The following CFAP251 variants were observed in gnomAD, a reference collection of about 807,000 sequenced individuals.
CFAP251 encodes the protein cilia- and flagella-associated protein 251.
Under a neutral mutation model 126.7 loss-of-function variants are expected in CFAP251, and 93 were observed. The observed-to-expected ratio is 0.73, with a 90% CI of 0.62 to 0.87. The LOEUF (loss-of-function observed/expected upper bound fraction) is 0.87. Among genes scored for constraint, CFAP251 ranks in the 40% least tolerant of loss-of-function variants. The pLI, the probability that CFAP251 is intolerant of heterozygous loss-of-function variation, is 0.00. For missense variants in CFAP251, 1,287 were observed against 1,389.2 expected (o/e 0.93, Z 1.17); for synonymous variants, 503 against 506.9 (o/e 0.99, Z 0.10).
In CFAP251 at chr12:121,934,389, G is replaced by C. The variant is rs146522464; in HGVS notation, c.998+33G>C. ...TTGTGTAGCCACTTCTTTTTTCCCT[G>C]AATTTCTGTAGAGTATCTGCCACTG... On this transcript the variant is annotated intron_variant, in intron 5 of 21. Coordinates refer to ENST00000288912, the MANE Select transcript of CFAP251 (RefSeq NM_144668.6). 88 of 1,527,960 alleles carry C rather than the reference G, an allele frequency of 5.8e-5. 1 individual carries two copies. In the Admixed American group the frequency reaches 1.5e-3, roughly 26 times the overall value. The allele number at this position is 1,527,960 out of a possible 1,614,324, so 94.7% of individuals were successfully genotyped here. A position where few individuals can be genotyped will look rare whatever the true frequency, so the allele number is the denominator to read the frequency against.
intron 15 of CFAP251, among the ~76,000 whole-genome samples, chr12:121,963,078 T>C (rs753596421): frequency 2.4e-4 from 36 of 152,126 alleles, no homozygotes; most frequent in Non-Finnish European, 4.6e-4. Context: ...TTCTGATTGA[T>C]GCTTTAGAAT....
Position 121,967,030 on chromosome 12 carries a change from G to A in CFAP251, c.2568G>A (p.Glu856=), listed in dbSNP as rs1271630971. The change falls in exon 16 of 22, where the codon GAG becomes GAA. Residue 856 remains glutamate (E), a synonymous_variant. Transcript: ENST00000288912. The part of the protein sequence containing the change: ...TQVLPVRSMA[E]LQKRYLVFIN... ...TCCTCCCAGTGAGAAGCATGGCGGA[G>A]CTACAGAAACGCTACTTGGTGTTTA... 59 of 1,614,230 alleles carry A rather than the reference G, an allele frequency of 3.7e-5. No homozygotes were observed. Among genetic ancestry groups the A allele is most frequent in the Middle Eastern group, 1.6e-4 (1 of 6,062 alleles).
At chr12:121,928,658 G>GTGTATA (rs1880534186) in intron 3 of CFAP251, among the ~76,000 whole-genome samples, 1 of 26,720 alleles carries the variant, frequency 3.7e-5, no homozygotes, top group African/African-American at 5.8e-5. Context: ...ATATATATAC[G>GTGTATA]TATATATATA....
At chr12:121,943,616 G>T (rs910306502) in intron 7 of CFAP251, among the ~76,000 whole-genome samples, 1 of 151,918 alleles carries the variant, frequency 6.6e-6, no homozygotes, top group Non-Finnish European at 1.5e-5. Flanking sequence ...GTAGAGACGG[G>T]TTTTCTCCAT....
At chr12:121,921,187 CAG>C in intron 1 of CFAP251, 97 bp from the exon 2 acceptor site, 7 of 1,315,988 alleles carry the variant, frequency 5.3e-6, no homozygotes, top group South Asian at 1.6e-5. Flanking sequence ...GGAAAGGGAA[CAG>C]AGCCATTTAT....
At chr12:122,001,632 G>A (rs1565927980) in intron 21 of CFAP251, 34 bp downstream of exon 21, 1 of 1,540,302 alleles carries the variant, frequency 6.5e-7, no homozygotes, top group East Asian at 2.2e-5. Flanking sequence ...GCATGTAGCT[G>A]TGGCTCACTG....
At chr12:121,967,875 C>A in intron 16 of CFAP251, 131 bp from the exon 17 acceptor site, 1 of 838,258 alleles carries the variant, frequency 1.2e-6, no homozygotes, top group Non-Finnish European at 1.8e-6. Flanking sequence ...ATGTGGCTCT[C>A]ACACTCAGAG....
chr12:121,928,618 GTATATGTGTATA>G, intron 3 of CFAP251, among the ~76,000 whole-genome samples: 1 of 71,904 alleles, frequency 1.4e-5, no homozygotes. Context: ...ATAATTTTAT[GTATATGTGTATA>G]TATATACGTA....
At chr12:121,947,416 G>C (rs963221593) in intron 7 of CFAP251, among the ~76,000 whole-genome samples, 3 of 152,002 alleles carry the variant, frequency 2.0e-5, no homozygotes, top group African/African-American at 4.8e-5. Flanking sequence ...TCTGCTGATT[G>C]CTTTTTCCCC....
intron 3 of CFAP251, 71 bp from the exon 4 acceptor site, chr12:121,931,675 C>T (rs1397333608): frequency 6.6e-6 from 9 of 1,370,888 alleles, no homozygotes; most frequent in Middle Eastern, 4.1e-4. Flanking sequence ...TCCCCTCCGG[C>T]GAGTTCCTGG....
intron 17 of CFAP251, chr12:121,969,363 G>A (rs992018434): frequency 1.0e-6 from 1 of 985,412 alleles, no homozygotes; most frequent in Non-Finnish European, 1.2e-6. Flanking sequence ...AGCTGGAGGT[G>A]AACTCTCCTA....
At chr12:121,973,022 C>T (rs1445542954) in intron 17 of CFAP251, among the ~76,000 whole-genome samples, 2 of 152,186 alleles carry the variant, frequency 1.3e-5, no homozygotes, top group African/African-American at 4.8e-5. Context: ...AAAATGTCTC[C>T]AGGGCATGTC....
At chr12:121,985,044 T>G (rs972257705) in intron 19 of CFAP251, among the ~76,000 whole-genome samples, 5 of 152,210 alleles carry the variant, frequency 3.3e-5, no homozygotes, top group African/African-American at 1.2e-4. Context: ...GAAGACACAA[T>G]CCCTGACATT....
At chr12:121,992,114 G>T (rs1202292874) in intron 19 of CFAP251, 1 of 714,056 alleles carries the variant, frequency 1.4e-6, no homozygotes, top group Non-Finnish European at 1.7e-6. Flanking sequence ...AGGCCAGGCT[G>T]ACTGACAACC....
At position 121,926,018 on chromosome 12, in the gene CFAP251, G is replaced by A. The variant is rs374223830; in HGVS notation, c.747+2028G>A. On this transcript the variant is annotated intron_variant, in intron 3 of 21. Coordinates refer to ENST00000288912, the MANE Select transcript of CFAP251 (RefSeq NM_144668.6). ...CACCACCACGCCCAGCTAATTTTTT[G>A]TAATTTTTTTTTTTTTTTTTTTTTT... Among the ~76,000 whole-genome samples, 5 of 107,080 alleles carry A rather than the reference G, an allele frequency of 4.7e-5. No homozygotes were observed. The East Asian group carries it at 1.4e-3, about 29-fold the overall frequency. The allele number at this position is 107,080 out of a possible 152,430, so 70.2% of individuals were successfully genotyped here.
At chr12:121,939,182 G>A (rs1667580) in intron 5 of CFAP251, among the ~76,000 whole-genome samples, 134,252 of 152,080 alleles carry the variant, frequency 0.88, 59,455 homozygotes, top group African/African-American at 0.96. Context: ...TGTTTTCCCA[G>A]ACAAATCTGA....
intron 12 of CFAP251, 123 bp downstream of exon 12, chr12:121,958,645 G>A (rs1881815335): frequency 4.8e-6 from 7 of 1,461,542 alleles, no homozygotes; most frequent in East Asian, 2.3e-5. Context: ...GGCTGGATGA[G>A]GCGCCTTCTC....
chr12:121,950,998 C>T (rs1029432962), intron 8 of CFAP251: 1 of 152,140 alleles, frequency 6.6e-6, no homozygotes, highest in African/African-American at 2.4e-5. Context: ...GTGGGCGGAT[C>T]ACCTGAGGTC....
At chr12:121,950,960 TG>T (rs1372947332) in intron 8 of CFAP251, 1 of 152,154 alleles carries the variant, frequency 6.6e-6, no homozygotes, top group East Asian at 1.9e-4. Flanking sequence ...GGCTCACGCC[TG>T]TAATCCCAAC....
Sources: allele counts gnomAD v4.1 joint callset (sites outside exome capture counted in the v4.1 genomes callset), GRCh38; gene constraint gnomAD v4.1.1; transcripts MANE v1.5; gene names NCBI Gene and HGNC (gene_info 2026-07-23, HGNC 2026-07-21).